The following SMCO4 variants were observed in gnomAD, a reference collection of about 807,000 sequenced individuals.
SMCO4 encodes the protein single-pass membrane and coiled-coil domain-containing protein 4.
In SMCO4, 4 loss-of-function variants were observed where a neutral mutation model predicts 3.6. The ratio of observed to expected loss-of-function variants is 1.11; its 90% CI spans 0.54 to 2.53. The LOEUF is 2.53. Ranked by LOEUF, SMCO4 falls within the 30% of genes most tolerant of loss-of-function variation. SMCO4 has a pLI of 0.02. For synonymous variants in SMCO4, 36 were observed against 35.3 expected (o/e 1.02, Z -0.07); for missense variants, 70 against 80.8 (o/e 0.87, Z 0.51).
Position 93,525,257 on chromosome 11 carries a change from G to A in SMCO4, c.-154+18019C>T, listed in dbSNP as rs149487239. 5.6e-4 allele frequency among the ~76,000 whole-genome samples: 85 copies of A among 152,348 alleles called. 1 individual carries two copies. In the East Asian group the frequency reaches 0.014, roughly 26 times the overall value. On this transcript the variant is annotated intron_variant, in intron 1 of 2. Transcript: ENST00000298966. ...TGCTACTTACACACTGGGTCTGTCA[G>A]CAAATTACTGCCCCACTGATTCTCA...
At chr11:93,498,835 C>T (rs1418257825) in intron 2 of SMCO4, among the ~76,000 whole-genome samples, 1 of 152,136 alleles carries the variant, frequency 6.6e-6, no homozygotes, top group Non-Finnish European at 1.5e-5. Context: ...ATTCGAGAAA[C>T]ATTTATGGAA....
In SMCO4 at chr11:93,536,337, C is replaced by A. The variant is rs144047377; in HGVS notation, c.-154+6939G>T. Among the ~76,000 whole-genome samples, 81 of 152,262 alleles carry A rather than the reference C, an allele frequency of 5.3e-4. 1 individual carries two copies. Among genetic ancestry groups the A allele is most frequent in the South Asian group, 5.2e-3 (25 of 4,814 alleles). Reference sequence around the variant, plus strand: ...AATTCTACTCCTAGAGAAACATGTGCATACTAATATGTATGAATGAAGATA... The same window carrying A: ...AATTCTACTCCTAGAGAAACATGTGAATACTAATATGTATGAATGAAGATA... On this transcript the variant is annotated intron_variant, in intron 1 of 2. Transcript: ENST00000298966.
At chr11:93,548,607 G>C in the SMCO4 span, among the ~76,000 whole-genome samples, 2 of 152,216 alleles carry the variant, frequency 1.3e-5, no homozygotes, top group East Asian at 3.8e-4. Context: ...CTGTGGGTCA[G>C]GAGGGAGCTG....
At chr11:93,540,081 G>A (rs1255262814) in intron 1 of SMCO4, among the ~76,000 whole-genome samples, 4 of 152,096 alleles carry the variant, frequency 2.6e-5, no homozygotes, top group South Asian at 2.1e-4. Context: ...CCTTGGACAA[G>A]ACAATCACAG....
At chr11:93,491,314 C>T (rs913754319) in intron 2 of SMCO4, among the ~76,000 whole-genome samples, 6 of 152,206 alleles carry the variant, frequency 3.9e-5, no homozygotes, top group Non-Finnish European at 5.9e-5. Flanking sequence ...GAATGCCTAT[C>T]CCTGGAGGCC....
At chr11:93,480,398 T>G (rs1488863974) in intron 2 of SMCO4, among the ~76,000 whole-genome samples, 1 of 152,136 alleles carries the variant, frequency 6.6e-6, no homozygotes, top group Non-Finnish European at 1.5e-5. Flanking sequence ...AGTCTCCAGA[T>G]GAACTCGCCA....
rs1591300986 is a variant in SMCO4, at chr11:93,482,255, A to C, written c.-80-2986T>G. Among the ~76,000 whole-genome samples the C allele has an allele frequency of 3.3e-5, 5 of 152,238 alleles. No individual in the cohort carries two copies. In the East Asian group the frequency reaches 9.6e-4, roughly 29 times the overall value. On this transcript the variant is annotated intron_variant, in intron 2 of 2. Transcript: ENST00000298966. ...ACCCTATGGTGAAAAGGGACCAACCAGGAAAAAAGCTGGGAAGAGCACCAG... is the reference window on the plus strand; with the variant it reads ...ACCCTATGGTGAAAAGGGACCAACCCGGAAAAAAGCTGGGAAGAGCACCAG...
At chr11:93,511,908 A>G (rs573471695) in intron 1 of SMCO4, among the ~76,000 whole-genome samples, 1 of 152,336 alleles carries the variant, frequency 6.6e-6, no homozygotes, top group East Asian at 1.9e-4. Context: ...TTCATTTTGT[A>G]AACATGACCA....
chr11:93,485,217 T>C (rs1384893231), intron 2 of SMCO4, among the ~76,000 whole-genome samples: 1 of 152,208 alleles, frequency 6.6e-6, no homozygotes, highest in African/African-American at 2.4e-5. Flanking sequence ...AGTCAGGGGC[T>C]CACACTGCCC....
At chr11:93,545,674 A>C (rs970133119), upstream of SMCO4, among the ~76,000 whole-genome samples, 1 of 151,956 alleles carries the variant, frequency 6.6e-6, no homozygotes, top group Non-Finnish European at 1.5e-5. Context: ...GTATCTTGCA[A>C]TGCAAGTCTC....
At chr11:93,525,690 T>C (rs1385429771) in intron 1 of SMCO4, among the ~76,000 whole-genome samples, 2 of 152,052 alleles carry the variant, frequency 1.3e-5, no homozygotes, top group African/African-American at 4.8e-5. Flanking sequence ...ACCAACAGGA[T>C]TGGATCCGGA....
At chr11:93,534,442 A>G (rs1168002206) in intron 1 of SMCO4, among the ~76,000 whole-genome samples, 1 of 151,812 alleles carries the variant, frequency 6.6e-6, no homozygotes, top group Non-Finnish European at 1.5e-5. Context: ...GGAGTTACTT[A>G]CAATTACCAA....
At chr11:93,549,332 T>C in the SMCO4 span, among the ~76,000 whole-genome samples, 1 of 152,226 alleles carries the variant, frequency 6.6e-6, no homozygotes, top group Non-Finnish European at 1.5e-5. Context: ...AATACTTAAT[T>C]AACCTTAACC....
At chr11:93,526,228 G>A (rs1949105734) in intron 1 of SMCO4, among the ~76,000 whole-genome samples, 1 of 151,404 alleles carries the variant, frequency 6.6e-6, no homozygotes, top group Non-Finnish European at 1.5e-5. Context: ...CCCAGGGGCA[G>A]ACCACCAGGT....
intron 1 of SMCO4, among the ~76,000 whole-genome samples, chr11:93,507,648 A>T (rs909447702): frequency 1.3e-5 from 2 of 152,268 alleles, no homozygotes; most frequent in Non-Finnish European, 2.9e-5. Context: ...TTAATGTAAC[A>T]GCATTATGAA....
intron 1 of SMCO4, chr11:93,535,831 A>G (rs1279513156): frequency 1.3e-6 from 2 of 1,598,060 alleles, no homozygotes; most frequent in African/African-American, 1.5e-5. Flanking sequence ...AAGGACATAC[A>G]TTTCCTGCTT....
intron 1 of SMCO4, among the ~76,000 whole-genome samples, chr11:93,501,693 A>G (rs1483139311): frequency 6.6e-6 from 1 of 152,042 alleles, no homozygotes; most frequent in Non-Finnish European, 1.5e-5. Context: ...CCTTTTTCCA[A>G]TTAAGGTAAC....
At chr11:93,534,367 T>TAG (rs1400925569) in intron 1 of SMCO4, among the ~76,000 whole-genome samples, 7 of 96,234 alleles carry the variant, frequency 7.3e-5, no homozygotes, top group African/African-American at 1.6e-4. Flanking sequence ...CATATATATA[T>TAG]ATATATATAG....
At chr11:93,524,662 AC>A (rs1366292537) in intron 1 of SMCO4, among the ~76,000 whole-genome samples, 1 of 152,100 alleles carries the variant, frequency 6.6e-6, no homozygotes, top group Non-Finnish European at 1.5e-5. Context: ...GAAAGGCAAA[AC>A]ACACACTCCC....
Sources: gnomAD v4.1 joint callset for allele counts (sites outside exome capture counted in the v4.1 genomes callset) on GRCh38, gnomAD v4.1.1 for gene constraint, MANE v1.5 for transcripts, NCBI Gene and HGNC (gene_info 2026-07-23, HGNC 2026-07-21) for gene names.